The following RRM1 variants were observed in gnomAD, a reference collection of about 807,000 sequenced individuals.
The protein encoded by RRM1 is ribonucleoside-diphosphate reductase large subunit.
A neutral mutation model predicts 101.5 loss-of-function variants in RRM1; 19 were observed. The ratio of observed to expected loss-of-function variants is 0.19; its 90% CI spans 0.13 to 0.27. RRM1 has a LOEUF of 0.27. Ranked by LOEUF, RRM1 falls within the 10% of genes least tolerant of loss-of-function variation. The pLI is 1.00. For synonymous variants in RRM1, 298 were observed against 323.4 expected, an observed-to-expected ratio of 0.92 and a Z score of 0.84; for missense variants, 500 against 962.9, an observed-to-expected ratio of 0.52 and a Z score of 6.36.
At chr11:4,130,876 A>G (rs975356863) in intron 15 of RRM1, among the ~76,000 whole-genome samples, 4 of 152,194 alleles carry the variant, frequency 2.6e-5, no homozygotes, top group Non-Finnish European at 4.4e-5. Context: ...TGATGTTGCT[A>G]TTTTACAGAT....
In RRM1 at chr11:4,112,010, C is replaced by A. The variant is rs773200279; in HGVS notation, c.598C>A (p.His200Asn). ...TCTTCTTTCTGAGAGGTGGTTTACT[C>A]ATGCTTCGCCCACTCTCTTCAATGC... ...YNLLSERWFT[H>N]ASPTLFNAGT... The change falls in exon 7 of 19, where the codon CAT becomes AAT. Residue 200 changes from histidine to asparagine, a missense_variant. Around this residue, in one of 9 missense-constraint regions of RRM1, gnomAD observed 111 missense variants for 219.8 expected, o/e 0.51. Transcript: ENST00000300738. 6.2e-7 allele frequency: 1 copy of A among 1,614,028 alleles called. No individual in the cohort carries two copies. The highest frequency in any genetic ancestry group is 1.7e-5 in the Admixed American group (1 of 60,004).
intron 8 of RRM1, chr11:4,119,632 A>G (rs1448641831): frequency 8.1e-6 from 4 of 492,178 alleles, no homozygotes; most frequent in African/African-American, 3.9e-5. Context: ...TAGAAATGCC[A>G]TGAGGTAACT....
Position 4,104,789 on chromosome 11 carries a change from TAAAG to T in RRM1, c.109-1252_109-1249del, listed in dbSNP as rs371052629. ...TTGCACTTTGTAATTTGTGAAGTGCTAAAGAAAGTTGTCATTAAATTATCATAAT... is the reference window on the plus strand; with the variant it reads ...TTGCACTTTGTAATTTGTGAAGTGCTAAAGTTGTCATTAAATTATCATAAT... On this transcript the variant is annotated intron_variant, in intron 2 of 18. Transcript: ENST00000300738. 6.8e-3 allele frequency among the ~76,000 whole-genome samples: 1,033 copies of T among 152,336 alleles called. 12 individuals are homozygous for T. The highest frequency in any genetic ancestry group is 0.024 in the African/African-American group (988 of 41,568).
intron 7 of RRM1, among the ~76,000 whole-genome samples, chr11:4,117,690 C>T (rs2094575609): frequency 6.6e-6 from 1 of 152,156 alleles, no homozygotes; most frequent in African/African-American, 2.4e-5. Flanking sequence ...TTTGTTACAT[C>T]ATTCTCTATA....
In RRM1 at chr11:4,111,638, A is replaced by C. The variant is rs771350104; in HGVS notation, c.485A>C (p.Lys162Thr). Residue 162 changes from lysine to threonine, a missense_variant and splice_region_variant, in exon 6 of 19, where the codon AAA becomes ACA. Transcript: ENST00000300738. ...TCTTATTTGTTGAAGATCAATGGAA[A>C]AGGTGAGAAATGAACATGTTTGTCT... ...ERSYLLKING[K>T]VAERPQHMLM... is the part of the protein sequence containing the mutation. The C allele has an allele frequency of 4.4e-6, 7 of 1,603,080 alleles. No homozygotes were observed. In the East Asian group the frequency reaches 1.3e-4, roughly 31 times the overall value.
rs1168006237 is a variant in RRM1, at chr11:4,132,639, G to A, written c.1905+218G>A. Among the ~76,000 whole-genome samples, 1 of 152,174 alleles carries A rather than the reference G, an allele frequency of 6.6e-6. No individual in the cohort carries two copies. Among genetic ancestry groups the A allele is most frequent in the African/African-American group, 2.4e-5 (1 of 41,442 alleles). On this transcript the variant is annotated intron_variant, in intron 16 of 18. Transcript: ENST00000300738. This position sits in a 1 kb window ranked among gnomAD's most constrained non-coding sequence, Gnocchi z 4.1. Reference sequence around the variant, plus strand: ...TTGAAAGAATGAGTGAATGAGGGTCGAGTATGAAAGTAAGTTGTTGATAGT... The same window carrying A: ...TTGAAAGAATGAGTGAATGAGGGTCAAGTATGAAAGTAAGTTGTTGATAGT...
At chr11:4,095,129 C>G (rs1463146411) in intron 1 of RRM1, 98 bp downstream of exon 1, 24 of 1,307,724 alleles carry the variant, frequency 1.8e-5, no homozygotes, top group Non-Finnish European at 2.2e-5. Flanking sequence ...TTCGCTGCTT[C>G]CCGCCTTTCC....
At chr11:4,136,930 T>C (rs2094611619) in intron 18 of RRM1, among the ~76,000 whole-genome samples, 1 of 151,734 alleles carries the variant, frequency 6.6e-6, no homozygotes, top group South Asian at 2.1e-4. Context: ...TCCGCAGTGT[T>C]TGTGTCCCTG....
At chr11:4,106,625 G>T (rs1202486762) in intron 3 of RRM1, among the ~76,000 whole-genome samples, 2 of 152,068 alleles carry the variant, frequency 1.3e-5, no homozygotes, top group Non-Finnish European at 2.9e-5. Context: ...GTGGGGGCCT[G>T]TAATCCCAGC....
chr11:4,133,980 A>ATTTTTTTTTTTTTTTTTTTTTTTTTT (rs34715101), intron 17 of RRM1, among the ~76,000 whole-genome samples: 2 of 90,866 alleles, frequency 2.2e-5, no homozygotes, highest in Non-Finnish European at 4.0e-5. Context: ...CCAGACATCA[A>ATTTTTTTTTTTTTTTTTTTTTTTTTT]TTTTTTTTTT....
At chr11:4,097,313 T>C (rs1224892978) in intron 1 of RRM1, among the ~76,000 whole-genome samples, 1 of 147,620 alleles carries the variant, frequency 6.8e-6, no homozygotes, top group Non-Finnish European at 1.5e-5. Flanking sequence ...CACAAAGTGC[T>C]AGCTATAACT....
rs759225435 is a variant in RRM1, at chr11:4,112,047, G to A, written c.635G>A (p.Arg212His). 2.4e-5 allele frequency: 39 copies of A among 1,612,958 alleles called. No individual in the cohort carries two copies. In the East Asian group the frequency reaches 8.0e-4, roughly 33 times the overall value. The change falls in exon 7 of 19, where the codon CGC (arginine) becomes CAC (histidine). Residue 212 changes from arginine to histidine, a missense_variant. By Grantham distance (29) the Arg-to-His change is conservative. Transcript: ENST00000300738. ...SPTLFNAGTN[R>H]PQLSSCFLLS... ...ACTCTCTTCAATGCTGGTACCAACCGCCCACAACTTTCTAGGTAGGTGTTT... is the reference window on the plus strand; with the variant it reads ...ACTCTCTTCAATGCTGGTACCAACCACCCACAACTTTCTAGGTAGGTGTTT...
chr11:4,097,291 A>C (rs1347329065), intron 1 of RRM1, among the ~76,000 whole-genome samples: 1 of 151,286 alleles, frequency 6.6e-6, no homozygotes, highest in Non-Finnish European at 1.5e-5. Context: ...AAAAAAAAAA[A>C]AAAAAAAAAA....
At chr11:4,095,147 C>T (rs2094541726) in intron 1 of RRM1, 116 bp downstream of exon 1, 5 of 1,220,682 alleles carry the variant, frequency 4.1e-6, no homozygotes, top group Admixed American at 2.1e-5. Context: ...TCCCGCATTT[C>T]CCGCCGCGGC....
At position 4,096,974 on chromosome 11, in the gene RRM1, G is replaced by A. The variant is rs534220674; in HGVS notation, c.19+1943G>A. ...TTAGAGTCTACTTCTAAATACTTTC[G>A]TTTAAAAAGTGCTACCTTGGCCTGG... On this transcript the variant is annotated intron_variant, in intron 1 of 18. Transcript: ENST00000300738. Among the ~76,000 whole-genome samples, 4 of 143,872 alleles carry A rather than the reference G, an allele frequency of 2.8e-5. No homozygotes were observed. In the East Asian group the frequency reaches 5.8e-4, roughly 21 times the overall value. 94.4% of individuals were successfully genotyped at this position (143,872 alleles called of 152,430 possible).
At chr11:4,118,071 A>G (rs2094576217) in intron 7 of RRM1, among the ~76,000 whole-genome samples, 1 of 152,212 alleles carries the variant, frequency 6.6e-6, no homozygotes, top group Non-Finnish European at 1.5e-5. Flanking sequence ...ACTTATCTAT[A>G]AGACTTCCTA....
At chr11:4,109,094 G>A (rs910621425) in intron 4 of RRM1, among the ~76,000 whole-genome samples, 1 of 151,958 alleles carries the variant, frequency 6.6e-6, no homozygotes, top group African/African-American at 2.4e-5. Context: ...GTTCTTTGTT[G>A]GAAACTTGTT....
intron 4 of RRM1, among the ~76,000 whole-genome samples, chr11:4,109,306 A>G (rs1013257958): frequency 2.0e-5 from 3 of 151,912 alleles, no homozygotes; most frequent in Admixed American, 2.0e-4. Context: ...ATATAGTCCC[A>G]TTTATGCTCA....
In RRM1 at chr11:4,127,152, C is replaced by T; in HGVS notation, c.1588C>T (p.Gln530Ter). The T allele has an allele frequency of 6.2e-7, 1 of 1,614,006 alleles. No individual in the cohort carries two copies. Among genetic ancestry groups the T allele is most frequent in the Non-Finnish European group, 8.5e-7 (1 of 1,179,950 alleles). The change falls in exon 14 of 19, where the codon CAG becomes TAG. Residue 530 changes from glutamine (Q) to a stop codon, truncating the protein, a stop_gained. Coordinates refer to ENST00000300738, the MANE Select transcript of RRM1 (RefSeq NM_001033.5). LOFTEE classifies it high-confidence loss of function. ...ESAEAQLLNKQIFETIYYGAL... is the reference protein window; with the variant it reads ...ESAEAQLLNK ...TGCAGAAGCCCAGTTACTGAATAAG[C>T]AGATCTTTGAAACTATTTATTATGG... is the stretch of plus-strand genomic sequence containing the variant.
Sources: allele counts gnomAD v4.1 joint callset (sites outside exome capture counted in the v4.1 genomes callset), GRCh38; gene constraint gnomAD v4.1.1; regional missense constraint gnomAD v4.1.1; non-coding constraint Gnocchi (gnomAD v3.1); transcripts MANE v1.5; gene names NCBI Gene and HGNC (gene_info 2026-07-23, HGNC 2026-07-21).